Variants in STX8 observed in about 807,000 individuals in gnomAD.
The protein encoded by STX8 is syntaxin-8.
A neutral mutation model predicts 37.5 loss-of-function variants in STX8; 23 were observed. That is an observed-to-expected ratio of 0.61 (90% CI 0.44 to 0.87). The LOEUF (loss-of-function observed/expected upper bound fraction) is 0.87, where lower values mean the gene tolerates loss of function less well. Among genes scored for constraint, STX8 ranks in the 40% least tolerant of loss-of-function variants. The pLI, the probability that STX8 is intolerant of heterozygous loss-of-function variation, is 0.00. For missense variants in STX8, 313 were observed against 284.7 expected (o/e 1.10, Z -0.71); for synonymous variants, 115 against 99.1 (o/e 1.16, Z -0.95).
intron 6 of STX8, among the ~76,000 whole-genome samples, chr17:9,402,127 TA>T (rs770630621): frequency 0.011 from 1,739 of 151,868 alleles, 12 homozygotes; most frequent in Non-Finnish European, 0.018. Context: ...TATTTATTAT[TA>T]TTTGTTTTTA....
intron 4 of STX8, among the ~76,000 whole-genome samples, chr17:9,521,150 G>A (rs375185575): frequency 6.6e-6 from 1 of 152,270 alleles, no homozygotes; most frequent in South Asian, 2.1e-4. Flanking sequence ...CTTTAGAGAC[G>A]AAGTCTGGCA....
intron 7 of STX8, among the ~76,000 whole-genome samples, chr17:9,376,677 C>A (rs370644454): frequency 2.8e-4 from 43 of 152,204 alleles, no homozygotes; most frequent in African/African-American, 9.6e-5. Flanking sequence ...CCGGCTGCAA[C>A]GGTCTGCAGC....
chr17:9,365,527 G>GCC (rs1911203217), intron 7 of STX8, among the ~76,000 whole-genome samples: 1 of 152,266 alleles, frequency 6.6e-6, no homozygotes, highest in African/African-American at 2.4e-5. Flanking sequence ...GGTAGCTAAT[G>GCC]AAGACACAGA....
At chr17:9,533,219 C>T (rs8067541) in intron 4 of STX8, among the ~76,000 whole-genome samples, 1 of 152,044 alleles carries the variant, frequency 6.6e-6, no homozygotes, top group Admixed American at 6.5e-5. Context: ...TGTAATGCCA[C>T]GGCTTTCGGT....
intron 4 of STX8, among the ~76,000 whole-genome samples, chr17:9,524,247 C>A (rs1905473115): frequency 6.6e-6 from 1 of 152,194 alleles, no homozygotes; most frequent in South Asian, 2.1e-4. Context: ...CTGTCTCAGT[C>A]CTTTCAGGCT....
At chr17:9,343,720 C>T (rs1408933677) in intron 7 of STX8, among the ~76,000 whole-genome samples, 1 of 152,204 alleles carries the variant, frequency 6.6e-6, no homozygotes, top group Non-Finnish European at 1.5e-5. Flanking sequence ...ACAGACTGCT[C>T]CTGTTACCAA....
At chr17:9,307,247 C>T (rs1909029961) in intron 7 of STX8, among the ~76,000 whole-genome samples, 1 of 152,204 alleles carries the variant, frequency 6.6e-6, no homozygotes, top group Non-Finnish European at 1.5e-5. Context: ...GCCATCCCCC[C>T]CACCAAAACA....
At chr17:9,567,099 G>A (rs1907491044) in intron 2 of STX8, among the ~76,000 whole-genome samples, 1 of 152,144 alleles carries the variant, frequency 6.6e-6, no homozygotes, top group Non-Finnish European at 1.5e-5. Flanking sequence ...AGAGCTAACT[G>A]GTGAGAACAT....
At chr17:9,381,867 G>A (rs780815718) in intron 6 of STX8, among the ~76,000 whole-genome samples, 3 of 152,154 alleles carry the variant, frequency 2.0e-5, no homozygotes, top group Non-Finnish European at 4.4e-5. Context: ...TACTTGGGAG[G>A]CTGAGGCAGG....
chr17:9,304,076 C>T (rs1001783203), intron 7 of STX8, among the ~76,000 whole-genome samples: 1 of 151,972 alleles, frequency 6.6e-6, no homozygotes, highest in South Asian at 2.1e-4. Context: ...TATAAAAAGT[C>T]TCTCAACTTG....
intron 6 of STX8, among the ~76,000 whole-genome samples, chr17:9,393,296 C>G (rs745674686): frequency 1.3e-5 from 2 of 152,042 alleles, no homozygotes; most frequent in African/African-American, 4.8e-5. Context: ...ATACTCTAGA[C>G]GAAGAAGTAC....
At chr17:9,451,735 T>C (rs1017735044) in intron 6 of STX8, among the ~76,000 whole-genome samples, 1 of 152,044 alleles carries the variant, frequency 6.6e-6, no homozygotes, top group African/African-American at 2.4e-5. Context: ...GAATACTTCA[T>C]AAACAAATGT....
intron 4 of STX8, among the ~76,000 whole-genome samples, chr17:9,528,604 G>C (rs565692957): frequency 6.6e-6 from 1 of 152,202 alleles, no homozygotes; most frequent in South Asian, 2.1e-4. Context: ...CACTGCGCCT[G>C]GCTTTTTTGA....
In STX8 at chr17:9,537,420, G is replaced by A. The variant is rs574291398; in HGVS notation, c.323+7752C>T. Among the ~76,000 whole-genome samples, 76 of 152,308 alleles carry A rather than the reference G, an allele frequency of 5.0e-4. 1 individual carries two copies. Among genetic ancestry groups the A allele is most frequent in the African/African-American group, 1.5e-3 (64 of 41,578 alleles). ...TTCTCCAGTCACAGGGAACACGCAC[G>A]CCTTGTGTCATGAGAGCACAGCCCA... is the stretch of plus-strand genomic sequence containing the variant. On this transcript the variant is annotated intron_variant, in intron 4 of 7. Transcript: ENST00000306357.
intron 6 of STX8, among the ~76,000 whole-genome samples, chr17:9,413,311 A>G (rs1329349538): frequency 6.6e-6 from 1 of 152,162 alleles, no homozygotes; most frequent in African/African-American, 2.4e-5. Flanking sequence ...CAACACCCCT[A>G]CTCTGTTATT....
At chr17:9,573,202 T>A (rs1434738841) in intron 1 of STX8, among the ~76,000 whole-genome samples, 1 of 150,882 alleles carries the variant, frequency 6.6e-6, no homozygotes, top group Non-Finnish European at 1.5e-5. Context: ...TGCCTCATTA[T>A]ATATCCTCTC....
intron 7 of STX8, among the ~76,000 whole-genome samples, chr17:9,361,912 C>T (rs1255017464): frequency 3.3e-5 from 5 of 152,300 alleles, no homozygotes; most frequent in African/African-American, 7.2e-5. Flanking sequence ...AAACCACGCA[C>T]GCCTCCATTT....
intron 7 of STX8, among the ~76,000 whole-genome samples, chr17:9,323,835 C>T (rs180776128): frequency 9.3e-4 from 142 of 152,072 alleles, no homozygotes; most frequent in African/African-American, 3.1e-3. Flanking sequence ...TAGGCCCAAA[C>T]GGGACAATGA....
chr17:9,328,105 T>G (rs1281321273), intron 7 of STX8, among the ~76,000 whole-genome samples: 1 of 151,340 alleles, frequency 6.6e-6, no homozygotes, highest in African/African-American at 2.4e-5. Context: ...CAGAGCTAGA[T>G]CTCACTATGT....
Sources: allele counts gnomAD v4.1 joint callset (sites outside exome capture counted in the v4.1 genomes callset), GRCh38; gene constraint gnomAD v4.1.1; transcripts MANE v1.5; gene names NCBI Gene and HGNC (gene_info 2026-07-23, HGNC 2026-07-21).